Variants in RUSF1 observed in about 807,000 individuals in gnomAD.
The protein encoded by RUSF1 is RUS family member 1, also known as RUS1 family protein C16orf58.
In RUSF1, 58 loss-of-function variants were observed where a neutral mutation model predicts 63.0. That is an observed-to-expected ratio of 0.92 (90% confidence interval 0.75 to 1.15). The LOEUF is 1.15. Among genes scored for constraint, RUSF1 ranks in the 50% most tolerant of loss-of-function variants. The probability of loss-of-function intolerance (pLI) is 0.00; values close to 1 mark genes in which losing one functional copy is unlikely to be tolerated. For missense variants in RUSF1, 652 were observed against 611.0 expected (o/e 1.07, Z -0.71); for synonymous variants, 274 against 255.8 (o/e 1.07, Z -0.68).
chr16:31,497,369 A>T (rs1208853021), intron 5 of RUSF1, among the ~76,000 whole-genome samples: 2 of 152,098 alleles, frequency 1.3e-5, no homozygotes, highest in Admixed American at 1.3e-4. Flanking sequence ...ACCTACACTG[A>T]TGGCCCTGAC....
intron 2 of RUSF1, among the ~76,000 whole-genome samples, chr16:31,504,311 C>T (rs1412382671): frequency 1.3e-5 from 2 of 152,154 alleles, no homozygotes; most frequent in Non-Finnish European, 2.9e-5. Context: ...CTCTGCTGCC[C>T]AGGCTGGAGT....
At position 31,492,321 on chromosome 16, in the gene RUSF1, C is replaced by T. The variant is rs2082575783; in HGVS notation, c.1107G>A (p.Leu369=). The change falls in exon 11 of 13, where the codon CTG becomes CTA. Residue 369 remains leucine (L), a synonymous_variant. Transcript: ENST00000327237. ...DQSQNQVQVV[L]NQKAGPKTIL... ...TGGTCTTGGGGCCTGCCTTCTGGTTCAGAACTACCTGTACCTGGTCTGGAG... is the reference window on the plus strand; with the variant it reads ...TGGTCTTGGGGCCTGCCTTCTGGTTTAGAACTACCTGTACCTGGTCTGGAG... The T allele has an allele frequency of 6.3e-6, 10 of 1,588,530 alleles. No individual in the cohort carries two copies. Among genetic ancestry groups the T allele is most frequent in the Non-Finnish European group, 7.7e-6 (9 of 1,167,806 alleles).
In RUSF1 at chr16:31,493,532, A is replaced by G; in HGVS notation, c.959-8T>C. 6.2e-7 allele frequency: 1 copy of G among 1,614,022 alleles called. No individual in the cohort carries two copies. Among genetic ancestry groups the G allele is most frequent in the Non-Finnish European group, 8.5e-7 (1 of 1,179,966 alleles). On this transcript the variant is annotated splice_polypyrimidine_tract_variant and splice_region_variant and intron_variant, in intron 8 of 12. Coordinates refer to ENST00000327237, the MANE Select transcript of RUSF1 (RefSeq NM_022744.4). The stretch of plus-strand genomic sequence containing the variant: ...ACGGAGCTGGCCAGAAACCTGTGGG[A>G]AGCTGGGGTCAGGATGCCTAGGCAG...
chr16:31,498,682 C>T (rs913555493), intron 5 of RUSF1, among the ~76,000 whole-genome samples: 4 of 152,074 alleles, frequency 2.6e-5, no homozygotes, highest in African/African-American at 9.7e-5. Flanking sequence ...CCCCGCGTGT[C>T]CCCCAGCTCA....
At chr16:31,501,647 G>A (rs1477157167) in intron 2 of RUSF1, among the ~76,000 whole-genome samples, 1 of 151,616 alleles carries the variant, frequency 6.6e-6, no homozygotes, top group African/African-American at 2.4e-5. Context: ...CACGGCAGAG[G>A]GACAGGCCTC....
Position 31,508,095 on chromosome 16 carries a change from G to A in RUSF1, c.279C>T (p.Tyr93=), listed in dbSNP as rs1239098685. 11 of 1,605,244 alleles carry A rather than the reference G, an allele frequency of 6.9e-6. No homozygotes were observed. The highest frequency in any genetic ancestry group is 7.7e-6 in the Non-Finnish European group (9 of 1,176,422). The change falls in exon 1 of 13, where the codon TAC becomes TAT. Residue 93 remains tyrosine (Y), a synonymous_variant. Transcript: ENST00000327237. ...PDSVSPDYLP[Y]QLWDSVQAFA... is the part of the protein sequence containing the mutation. ...TGACCTGCACGGAATCCCACAGCTGGTAGGGCAAGTAGTCCGGGCTGACGC... is the reference window on the plus strand; with the variant it reads ...TGACCTGCACGGAATCCCACAGCTGATAGGGCAAGTAGTCCGGGCTGACGC...
intron 12 of RUSF1, 78 bp from the exon 13 acceptor site, chr16:31,491,010 G>A (rs2082563542): frequency 7.2e-7 from 1 of 1,381,444 alleles, no homozygotes; most frequent in Admixed American, 1.7e-5. Flanking sequence ...TGCAGGCTTT[G>A]TGCACTACTG....
chr16:31,495,072 G>A (rs566486371), intron 6 of RUSF1, among the ~76,000 whole-genome samples: 188 of 152,242 alleles, frequency 1.2e-3, no homozygotes, highest in African/African-American at 4.4e-3. Flanking sequence ...GGAACCACCC[G>A]GGAAGAAAAG....
At position 31,508,115 on chromosome 16, in the gene RUSF1, T is replaced by C. The variant is rs1400755149; in HGVS notation, c.259A>G (p.Ser87Gly). 23 of 1,604,570 alleles carry C rather than the reference T, an allele frequency of 1.4e-5. No individual in the cohort carries two copies. Among genetic ancestry groups the C allele is most frequent in the Non-Finnish European group, 1.8e-5 (21 of 1,176,196 alleles). The change falls in exon 1 of 13, where the codon AGC (serine) becomes GGC (glycine). Residue 87 changes from serine to glycine, a missense_variant. Coordinates refer to ENST00000327237, the MANE Select transcript of RUSF1 (RefSeq NM_022744.4). ...FLPQGFPDSV[S>G]PDYLPYQLWD... ...AGCTGGTAGGGCAAGTAGTCCGGGCTGACGCTATCAGGGAAGCCCTGAGGC... is the reference window on the plus strand; with the variant it reads ...AGCTGGTAGGGCAAGTAGTCCGGGCCGACGCTATCAGGGAAGCCCTGAGGC...
At chr16:31,500,628 C>A (rs2082628071) in intron 3 of RUSF1, 58 bp downstream of exon 3, 2 of 1,562,642 alleles carry the variant, frequency 1.3e-6, no homozygotes. Context: ...CTATTACTAT[C>A]ATTACTACCA....
chr16:31,489,638 G>T lies in RUSF1; in HGVS notation c.*1197C>A. 1 of 536,440 alleles carries T rather than the reference G, an allele frequency of 1.9e-6. No homozygotes were observed. Among genetic ancestry groups the T allele is most frequent in the Non-Finnish European group, 3.4e-6 (1 of 297,242 alleles). The allele number at this position is 536,440 out of a possible 1,614,324, so 33.2% of individuals were successfully genotyped here. A position where few individuals can be genotyped will look rare whatever the true frequency, so the allele number is the denominator to read the frequency against. ...TGGTGGGCACAATACCATCTTGAAC[G>T]CCCACAAAAAGGTTTGGTTTTGTTG... On this transcript the variant is annotated 3_prime_UTR_variant, in exon 13 of 13. Coordinates refer to ENST00000327237, the MANE Select transcript of RUSF1 (RefSeq NM_022744.4).
intron 3 of RUSF1, among the ~76,000 whole-genome samples, chr16:31,500,331 G>A (rs887365087): frequency 1.3e-5 from 2 of 152,164 alleles, no homozygotes; most frequent in South Asian, 4.1e-4. Context: ...ACCATGGAAA[G>A]CACAGGCTTC....
At chr16:31,492,568 T>C (rs1460761530) in intron 10 of RUSF1, among the ~76,000 whole-genome samples, 1 of 152,322 alleles carries the variant, frequency 6.6e-6, no homozygotes, top group South Asian at 2.1e-4. Context: ...GGGTCTATTT[T>C]GCATTTCTTT....
In RUSF1 at chr16:31,493,787, G is replaced by T. The variant is rs752801395; in HGVS notation, c.774C>A (p.Gly258=). The T allele has an allele frequency of 8.8e-5, 142 of 1,614,102 alleles. No homozygotes were observed. Among genetic ancestry groups the T allele is most frequent in the Non-Finnish European group, 1.1e-4 (134 of 1,180,020 alleles). The change falls in exon 8 of 13, where the codon GGC becomes GGA. Residue 258 remains glycine (G), a splice_region_variant and synonymous_variant. Coordinates refer to ENST00000327237, the MANE Select transcript of RUSF1 (RefSeq NM_022744.4). ...LMLPLVSGCP[G]FSLGCFFFLT... ...GGAAGAAGAAACATCCAAGGCTGAA[G>T]CTGGGGTGAGAGAGTGAGGTAGCTG...
At chr16:31,506,199 CTT>C (rs1171960730) in intron 2 of RUSF1, among the ~76,000 whole-genome samples, 4 of 152,228 alleles carry the variant, frequency 2.6e-5, no homozygotes. Context: ...TGAACACAAA[CTT>C]TGTTTCATGC....
chr16:31,493,634 A>G lies in RUSF1; in HGVS notation c.927T>C (p.Thr309=), dbSNP rs866067971. The change falls in exon 8 of 13, where the codon ACT becomes ACC. Residue 309 remains threonine (T), a synonymous_variant. Coordinates refer to ENST00000327237, the MANE Select transcript of RUSF1 (RefSeq NM_022744.4). ...ACAGCGGCTCCATGCGATTGGCTGC[A>G]GTTGGGTCGAGTACCTCTCCCCTCT... ...YLQRGEVLDP[T]AANRMEPLWT... is the part of the protein sequence containing the mutation. The G allele has an allele frequency of 6.2e-7, 1 of 1,614,224 alleles. No individual in the cohort carries two copies. The highest frequency in any genetic ancestry group is 8.5e-7 in the Non-Finnish European group (1 of 1,180,038).
Position 31,493,911 on chromosome 16 carries a change from A to G in RUSF1, c.728T>C (p.Leu243Pro). The G allele has an allele frequency of 6.2e-7, 1 of 1,614,118 alleles. No homozygotes were observed. The highest frequency in any genetic ancestry group is 8.5e-7 in the Non-Finnish European group (1 of 1,180,010). The stretch of plus-strand genomic sequence containing the variant: ...AGGGAGCATCAGGAGGCTGACCAAG[A>G]GCCCCGCCAGGTTCACCAGCGTCTC... ...SQETLVNLAG[L>P]LVSLLMLPLV... The change falls in exon 7 of 13, where the codon CTC (leucine) becomes CCC (proline). Residue 243 changes from leucine (L) to proline (P), a missense_variant. Transcript: ENST00000327237.
chr16:31,490,893 A>G lies in RUSF1; in HGVS notation c.1349T>C (p.Leu450Pro). 6.2e-7 allele frequency: 1 copy of G among 1,613,902 alleles called. No homozygotes were observed. Residue 450 changes from leucine to proline, a missense_variant, in exon 13 of 13, where the codon CTA becomes CCA. Coordinates refer to ENST00000327237, the MANE Select transcript of RUSF1 (RefSeq NM_022744.4). ...DAGWKTEKHQ[L>P]EVDEWRATWL... Reference sequence around the variant, plus strand: ...TGTGGCCCTCCACTCATCCACCTCTAGCTGGTGCTTCTCGGTCTTCCAGCC... The same window carrying G: ...TGTGGCCCTCCACTCATCCACCTCTGGCTGGTGCTTCTCGGTCTTCCAGCC...
chr16:31,500,876 G>C, intron 2 of RUSF1, 145 bp from the exon 3 acceptor site: 1 of 776,344 alleles, frequency 1.3e-6, no homozygotes, highest in African/African-American at 1.7e-5. Context: ...GATAGTCATA[G>C]CTACATAATG....
Sources: allele counts gnomAD v4.1 joint callset (sites outside exome capture counted in the v4.1 genomes callset), GRCh38; gene constraint gnomAD v4.1.1; transcripts MANE v1.5; gene names NCBI Gene and HGNC (gene_info 2026-07-23, HGNC 2026-07-21).